Variants in SETX observed in about 807,000 individuals in gnomAD.
SETX encodes helicase senataxin.
Under a neutral mutation model 227.2 loss-of-function variants are expected in SETX, and 90 were observed. That is an observed-to-expected ratio of 0.40 (90% CI 0.33 to 0.47). The LOEUF (loss-of-function observed/expected upper bound fraction) is 0.47. Among genes scored for constraint, SETX ranks in the 20% least tolerant of loss-of-function variants. The pLI, the probability that SETX is intolerant of heterozygous loss-of-function variation, is 0.91. For synonymous variants in SETX, 1,210 were observed against 1,113.2 expected (o/e 1.09, Z -1.73); for missense variants, 3,052 against 3,181.5 (o/e 0.96, Z 0.98).
intron 15 of SETX, among the ~76,000 whole-genome samples, chr9:132,294,243 A>G (rs1844528335): frequency 6.6e-6 from 1 of 152,208 alleles, no homozygotes; most frequent in African/African-American, 2.4e-5. Context: ...CACTACCTAG[A>G]AAACTGAAGA....
At chr9:132,305,553 C>G (rs985735623) in intron 11 of SETX, among the ~76,000 whole-genome samples, 1 of 152,090 alleles carries the variant, frequency 6.6e-6, no homozygotes, top group African/African-American at 2.4e-5. Flanking sequence ...GATTTATCAA[C>G]GTCATGTACC....
At position 132,329,602 on chromosome 9, in the gene SETX, C is replaced by G. The variant is rs769755740; in HGVS notation, c.1996G>C (p.Gly666Arg). The G allele has an allele frequency of 3.1e-6, 5 of 1,613,832 alleles. No homozygotes were observed. The East Asian group carries it at 8.9e-5, about 29-fold the overall frequency. The change falls in exon 10 of 26, where the codon GGT becomes CGT. Residue 666 changes from glycine (G) to arginine (R), a missense_variant. By Grantham distance (125) the Gly-to-Arg change is moderately radical. Transcript: ENST00000224140. ...VLIKADNTIE[G>R]DNNEQNYIKD... ...ATATAATTTTGCTCATTATTGTCAC[C>G]TTCTATAGTGTTATCTGCTTTGATC...
intron 20 of SETX, 42 bp from the exon 21 acceptor site, chr9:132,278,299 T>C (rs1225940355): frequency 1.3e-6 from 2 of 1,594,736 alleles, no homozygotes; most frequent in Non-Finnish European, 1.7e-6. Context: ...AAGAATTCAT[T>C]TATATCTTTC....
chr9:132,284,927 G>C (rs1843755948), intron 18 of SETX, among the ~76,000 whole-genome samples: 1 of 150,654 alleles, frequency 6.6e-6, no homozygotes, highest in Non-Finnish European at 1.5e-5. Flanking sequence ...CACCCAGGCT[G>C]GAGTGCAGTG....
rs1306644345 is a variant in SETX, at chr9:132,263,523, T to C, written c.*716A>G. ...ATTAGGAATTTTAGCTAGGGAACTATGTGCATACTGAAACAGGTAAATGAA... is the reference window on the plus strand; with the variant it reads ...ATTAGGAATTTTAGCTAGGGAACTACGTGCATACTGAAACAGGTAAATGAA... On this transcript the variant is annotated 3_prime_UTR_variant, in exon 26 of 26. Transcript: ENST00000224140. 1 of 152,258 alleles carries C rather than the reference T, an allele frequency of 6.6e-6. No individual in the cohort carries two copies. Among genetic ancestry groups the C allele is most frequent in the African/African-American group, 2.4e-5 (1 of 41,458 alleles). 9.4% of individuals were successfully genotyped at this position (152,258 alleles called of 1,614,324 possible).
chr9:132,321,281 A>G (rs924233101), intron 10 of SETX, among the ~76,000 whole-genome samples: 14 of 152,186 alleles, frequency 9.2e-5, no homozygotes, highest in Non-Finnish European at 1.6e-4. Flanking sequence ...GCACTTTGGG[A>G]GGCCAAGGCG....
At chr9:132,283,052 C>G (rs1212932047) in intron 19 of SETX, 13 of 598,754 alleles carry the variant, frequency 2.2e-5, no homozygotes, top group Non-Finnish European at 3.5e-5. Context: ...CAGTCATCCT[C>G]AAGACTAACC....
At chr9:132,289,987 T>C (rs1233973952) in intron 15 of SETX, among the ~76,000 whole-genome samples, 1 of 152,138 alleles carries the variant, frequency 6.6e-6, no homozygotes, top group East Asian at 1.9e-4. Flanking sequence ...AGTGGGCAAA[T>C]CACTTGAGGT....
In SETX at chr9:132,264,026, T is replaced by G; in HGVS notation, c.*213A>C. On this transcript the variant is annotated 3_prime_UTR_variant, in exon 26 of 26. Coordinates refer to ENST00000224140, the MANE Select transcript of SETX (RefSeq NM_015046.7). ...TTTCCAGTCTCTGACTTCAAGGACATTATTACGGATACACAATGCCCTCTG... is the reference window on the plus strand; with the variant it reads ...TTTCCAGTCTCTGACTTCAAGGACAGTATTACGGATACACAATGCCCTCTG... The G allele has an allele frequency of 3.2e-6, 2 of 619,428 alleles. No homozygotes were observed. The highest frequency in any genetic ancestry group is 5.6e-6 in the Non-Finnish European group (2 of 356,818). 38.4% of individuals were successfully genotyped at this position (619,428 alleles called of 1,614,324 possible). A position where few individuals can be genotyped will look rare whatever the true frequency, so the allele number is the denominator to read the frequency against.
intron 5 of SETX, 50 bp downstream of exon 5, chr9:132,342,640 T>C: frequency 8.2e-7 from 1 of 1,221,676 alleles, no homozygotes; most frequent in Non-Finnish European, 1.2e-6. Flanking sequence ...TAGCTATCTA[T>C]AGGTACAAAA....
intron 15 of SETX, among the ~76,000 whole-genome samples, chr9:132,293,939 G>A (rs1363074407): frequency 2.0e-5 from 3 of 152,118 alleles, no homozygotes; most frequent in Non-Finnish European, 4.4e-5. Flanking sequence ...CAGGAGAATG[G>A]CGTGAACCTG....
chr9:132,330,579 T>C (rs1847159789), intron 9 of SETX, 80 bp from the exon 10 acceptor site: 15 of 1,219,350 alleles, frequency 1.2e-5, no homozygotes, highest in Non-Finnish European at 1.8e-5. Flanking sequence ...TTAAGAAAAA[T>C]ACGTTTCTCA....
At chr9:132,290,353 G>T (rs1414399264) in intron 15 of SETX, among the ~76,000 whole-genome samples, 1 of 151,718 alleles carries the variant, frequency 6.6e-6, no homozygotes, top group Admixed American at 6.6e-5. Context: ...AAGGCAGGTG[G>T]ATCACGAGGT....
In SETX at chr9:132,328,485, T is replaced by C; in HGVS notation, c.3113A>G (p.Lys1038Arg). ...TGGATGTTCCCTCTCAAGGCATATT[T>C]TGTCCTGTTTAGTGAGTTTCTCAAG... ...LSLEKLTKQD[K>R]ICLEREHPEQ... Residue 1038 changes from lysine to arginine, a missense_variant, in exon 10 of 26, where the codon AAA becomes AGA. Coordinates refer to ENST00000224140, the MANE Select transcript of SETX (RefSeq NM_015046.7). The C allele has an allele frequency of 6.2e-7, 1 of 1,613,890 alleles. No individual in the cohort carries two copies. The highest frequency in any genetic ancestry group is 8.5e-7 in the Non-Finnish European group (1 of 1,179,998).
intron 25 of SETX, among the ~76,000 whole-genome samples, chr9:132,267,531 T>C (rs891270531): frequency 2.6e-5 from 4 of 152,132 alleles, no homozygotes; most frequent in African/African-American, 9.7e-5. Flanking sequence ...GCTAAAAACT[T>C]AGAAACAAAA....
intron 11 of SETX, among the ~76,000 whole-genome samples, chr9:132,310,846 G>C (rs1225657432): frequency 6.6e-6 from 1 of 152,114 alleles, no homozygotes; most frequent in Non-Finnish European, 1.5e-5. Context: ...CCTTTATGAT[G>C]ATCCGTTTCA....
At chr9:132,285,036 G>A (rs968924147) in intron 18 of SETX, among the ~76,000 whole-genome samples, 5 of 151,880 alleles carry the variant, frequency 3.3e-5, no homozygotes, top group Admixed American at 6.6e-5. Flanking sequence ...CCACCACCAC[G>A]CCCAGCTAAT....
intron 3 of SETX, among the ~76,000 whole-genome samples, chr9:132,347,894 T>C (rs548027075): frequency 1.1e-4 from 16 of 152,238 alleles, no homozygotes; most frequent in Non-Finnish European, 1.9e-4. Flanking sequence ...TATATCTCTA[T>C]GGTCTACGTT....
intron 23 of SETX, 114 bp from the exon 24 acceptor site, chr9:132,271,922 G>A (rs1243266095): frequency 4.5e-5 from 38 of 846,496 alleles, no homozygotes; most frequent in South Asian, 1.8e-4. Flanking sequence ...TCACTCTGTC[G>A]CCCAGGCTGG....
Sources: gnomAD v4.1 joint callset for allele counts (sites outside exome capture counted in the v4.1 genomes callset) on GRCh38, gnomAD v4.1.1 for gene constraint, MANE v1.5 for transcripts, NCBI Gene and HGNC (gene_info 2026-07-23, HGNC 2026-07-21) for gene names.